The following NEXMIF variants were observed in gnomAD, a reference collection of about 807,000 sequenced individuals.
NEXMIF encodes XLMR protein related to neurite extension.
A neutral mutation model predicts 62.1 loss-of-function variants in NEXMIF; 8 were observed. The observed-to-expected ratio is 0.13, with a 90% CI of 0.08 to 0.23. The LOEUF (loss-of-function observed/expected upper bound fraction) is 0.23, where lower values mean the gene tolerates loss of function less well. NEXMIF is among the 10% of genes least tolerant of loss of function. The pLI is 1.00. For missense variants in NEXMIF, 976 were observed against 1,113.3 expected, an observed-to-expected ratio of 0.88 and a Z score of 1.75; for synonymous variants, 404 against 416.6, an observed-to-expected ratio of 0.97 and a Z score of 0.37.
At chrX:74,768,332 G>A (rs1023773870) in intron 1 of NEXMIF, among the ~76,000 whole-genome samples, 2 of 111,774 alleles carry the variant, frequency 1.8e-5, no homozygotes, top group East Asian at 2.8e-4. Flanking sequence ...CCCAATGCAT[G>A]TACCTGGATG....
rs771686031 is a variant in NEXMIF, at chrX:74,743,344, C to G, written c.1213G>C (p.Glu405Gln). ...CATGGTTTATTTAAGGCAGGCTTTTCTCCATTATCCTTTCCATCTTTCTTC... is the reference window on the plus strand; with the variant it reads ...CATGGTTTATTTAAGGCAGGCTTTTGTCCATTATCCTTTCCATCTTTCTTC... ...VEKKDGKDNG[E>Q]KPALNKPCSG... Residue 405 changes from glutamate to glutamine, a missense_variant, in exon 3 of 4, where the codon GAA (glutamate) becomes CAA (glutamine). Transcript: ENST00000055682. 9.9e-6 allele frequency: 12 copies of G among 1,211,312 alleles called. No homozygotes were observed. Among genetic ancestry groups the G allele is most frequent in the Non-Finnish European group, 1.2e-5 (11 of 895,377 alleles).
chrX:74,763,372 T>C (rs2080183876), intron 1 of NEXMIF, among the ~76,000 whole-genome samples: 1 of 111,919 alleles, frequency 8.9e-6, no homozygotes, highest in Non-Finnish European at 1.9e-5. Flanking sequence ...TACTATAGCC[T>C]TGTAGTATAG....
intron 1 of NEXMIF, among the ~76,000 whole-genome samples, chrX:74,866,397 G>A (rs920150985): frequency 3.6e-5 from 4 of 112,147 alleles, no homozygotes; most frequent in Non-Finnish European, 7.5e-5. Context: ...TAACTAACTT[G>A]CTTCTGATTT....
chrX:74,882,342 T>G (rs6647556), intron 1 of NEXMIF, among the ~76,000 whole-genome samples: 16,364 of 111,064 alleles, frequency 0.15, 1,790 homozygotes, highest in East Asian at 0.91. Context: ...TCGAAGGAGG[T>G]CAAGGCTTCG....
chrX:74,753,598 G>A (rs147995944), intron 1 of NEXMIF, among the ~76,000 whole-genome samples: 1,177 of 111,074 alleles, frequency 0.011, 7 homozygotes, highest in Admixed American at 0.015. Flanking sequence ...TAGAGATAAA[G>A]CCAAAATCCA....
At chrX:74,880,811 A>G (rs1424026758) in intron 1 of NEXMIF, among the ~76,000 whole-genome samples, 3 of 112,151 alleles carry the variant, frequency 2.7e-5, no homozygotes, top group Admixed American at 9.5e-5. Context: ...TGCACATCAA[A>G]TGGCTGTACT....
At chrX:74,872,567 A>G (rs1239367098) in intron 1 of NEXMIF, among the ~76,000 whole-genome samples, 1 of 109,645 alleles carries the variant, frequency 9.1e-6, no homozygotes, top group Non-Finnish European at 1.9e-5. Context: ...ATAGTCACTT[A>G]GTAAATATAG....
At chrX:74,820,062 T>C (rs920907153) in intron 1 of NEXMIF, among the ~76,000 whole-genome samples, 24 of 110,688 alleles carry the variant, frequency 2.2e-4, no homozygotes, top group Non-Finnish European at 2.6e-4. Context: ...CTGGAAACCA[T>C]CATTCTCAGC....
chrX:74,918,090 C>T (rs2080814118), intron 1 of NEXMIF, among the ~76,000 whole-genome samples: 1 of 111,638 alleles, frequency 9.0e-6, no homozygotes, highest in African/African-American at 3.3e-5. Flanking sequence ...TTAATGGCTT[C>T]CATTTCAAGC....
intron 1 of NEXMIF, among the ~76,000 whole-genome samples, chrX:74,876,807 T>C (rs1418506759): frequency 2.5e-4 from 26 of 104,530 alleles, no homozygotes; most frequent in South Asian, 4.7e-4. Context: ...GAGACTAGGA[T>C]TGCAACCCCT....
chrX:74,781,224 G>A (rs2080245573), intron 1 of NEXMIF, among the ~76,000 whole-genome samples: 1 of 112,203 alleles, frequency 8.9e-6, no homozygotes, highest in Admixed American at 9.5e-5. Flanking sequence ...GCTCTCCGGA[G>A]AAATAGTAAG....
intron 1 of NEXMIF, among the ~76,000 whole-genome samples, chrX:74,852,382 C>T (rs2080518397): frequency 9.0e-6 from 1 of 111,530 alleles, no homozygotes; most frequent in African/African-American, 3.3e-5. Context: ...GGAACTTCAA[C>T]ACTCCGCTCA....
intron 1 of NEXMIF, among the ~76,000 whole-genome samples, chrX:74,881,788 T>C (rs1023977568): frequency 5.4e-4 from 57 of 106,080 alleles, no homozygotes; most frequent in Admixed American, 4.5e-3. Context: ...ATTACAAAAA[T>C]AGATGCAGAA....
chrX:74,924,324 G>A (rs1339534703), intron 1 of NEXMIF, among the ~76,000 whole-genome samples: 2 of 112,163 alleles, frequency 1.8e-5, no homozygotes, highest in Non-Finnish European at 3.8e-5. Flanking sequence ...AGCTGGGCGA[G>A]GCTCGGTCTG....
In NEXMIF at chrX:74,759,053, C is replaced by T. The variant is rs184398444; in HGVS notation, c.-47-13356G>A. On this transcript the variant is annotated intron_variant, in intron 1 of 3. Coordinates refer to ENST00000055682, the MANE Select transcript of NEXMIF (RefSeq NM_001008537.3). The stretch of plus-strand genomic sequence containing the variant: ...AAGCATTTATTTTTCTCTACAACTT[C>T]GCCAACATCTGTTATTTTTTGACTT... 5.8e-3 allele frequency among the ~76,000 whole-genome samples: 652 copies of T among 112,266 alleles called. 1 individual carries two copies. Among genetic ancestry groups the T allele is most frequent in the Admixed American group, 0.01 (106 of 10,600 alleles).
rs778849667 is a variant in NEXMIF at position 74,744,160 on chromosome X, C to A, written c.397G>T (p.Ala133Ser). The A allele has an allele frequency of 1.7e-6, 2 of 1,211,454 alleles. No homozygotes were observed. The highest frequency in any genetic ancestry group is 2.2e-5 in the Admixed American group (1 of 45,994). ...FAIMEPAGMS[A>S]LNGDCLMQPS... ...TGCATGAGACAGTCCCCATTCAGAG[C>A]TGACATGCCTGCAGGCTCCATTATG... Residue 133 changes from alanine (A) to serine (S), a missense_variant, in exon 3 of 4, where the codon GCT becomes TCT. Around this residue, in one of 5 missense-constraint regions of NEXMIF, gnomAD observed 126 missense variants for 146.5 expected, o/e 0.86. Coordinates refer to ENST00000055682, the MANE Select transcript of NEXMIF (RefSeq NM_001008537.3).
chrX:74,903,905 G>GTA (rs1461499188), intron 1 of NEXMIF, among the ~76,000 whole-genome samples: 1 of 109,827 alleles, frequency 9.1e-6, no homozygotes, highest in African/African-American at 3.3e-5. Context: ...GTGTGTGTGT[G>GTA]TGTGTGTGTG....
Position 74,864,421 on chromosome X carries a change from C to A in NEXMIF, c.-48+60462G>T, listed in dbSNP as rs781219608. On this transcript the variant is annotated intron_variant, in intron 1 of 3. Coordinates refer to ENST00000055682, the MANE Select transcript of NEXMIF (RefSeq NM_001008537.3). ...GGCTGTGTCCCCACCCAAACCACAT[C>A]TTGAATGTAGCTCTCATAATCCCCA... is the stretch of plus-strand genomic sequence containing the variant. Among the ~76,000 whole-genome samples, 3 of 112,240 alleles carry A rather than the reference C, an allele frequency of 2.7e-5. No individual in the cohort carries two copies. The South Asian group carries it at 1.1e-3, about 42-fold the overall frequency.
rs184609173 is a variant in NEXMIF at position 74,925,232 on chromosome X, C to T, written c.-397G>A. On this transcript the variant is annotated 5_prime_UTR_variant, in exon 1 of 4. Transcript: ENST00000055682. ...GCTTCGCTTACACTGTCGCTCGCCC[C>T]GGCTGGAGCTACCTAGCGAGCGGGC... 6.6e-3 allele frequency: 775 copies of T among 117,849 alleles called. 11 individuals are homozygous for T. Among genetic ancestry groups the T allele is most frequent in the African/African-American group, 0.023 (734 of 31,372 alleles). The allele number at this position is 117,849 out of a possible 1,213,427, so 9.7% of individuals were successfully genotyped here. A position where few individuals can be genotyped will look rare whatever the true frequency, so the allele number is the denominator to read the frequency against.
Sources: allele counts gnomAD v4.1 joint callset (sites outside exome capture counted in the v4.1 genomes callset), GRCh38; gene constraint gnomAD v4.1.1; regional missense constraint gnomAD v4.1.1; transcripts MANE v1.5; gene names NCBI Gene and HGNC (gene_info 2026-07-23, HGNC 2026-07-21).